The following RBM41 variants were observed in gnomAD, a reference collection of about 807,000 sequenced individuals.
RBM41 encodes RNA binding motif protein 41.
In RBM41, 14 loss-of-function variants were observed where a neutral mutation model predicts 30.8. The ratio of observed to expected loss-of-function variants is 0.45; its 90% CI spans 0.30 to 0.71. RBM41 has a LOEUF of 0.71. Ranked by LOEUF, RBM41 falls within the 30% of genes least tolerant of loss-of-function variation. The pLI, the probability that RBM41 is intolerant of heterozygous loss-of-function variation, is 0.08. For synonymous variants in RBM41, 120 were observed against 110.1 expected (o/e 1.09, Z -0.56); for missense variants, 276 against 326.3 (o/e 0.85, Z 1.19).
intron 4 of RBM41, 70 bp downstream of exon 4, chrX:107,115,282 T>C: frequency 9.2e-7 from 1 of 1,091,475 alleles, no homozygotes; most frequent in South Asian, 1.9e-5. Context: ...TAACTCTTCA[T>C]ATTTAATGCC....
At chrX:107,085,472 T>C (rs1921956616) in intron 6 of RBM41, among the ~76,000 whole-genome samples, 1 of 110,254 alleles carries the variant, frequency 9.1e-6, no homozygotes, top group Non-Finnish European at 1.9e-5. Context: ...TTTGCCACAT[T>C]GGCCAGGCTG....
intron 5 of RBM41, among the ~76,000 whole-genome samples, chrX:107,098,869 C>T (rs1334521342): frequency 2.7e-5 from 3 of 109,895 alleles, no homozygotes; most frequent in Admixed American, 9.7e-5. Context: ...GCCGTGGTGG[C>T]GCATATCTGT....
chrX:107,058,566 T>G (rs1382926301), downstream of RBM41, among the ~76,000 whole-genome samples: 1 of 111,315 alleles, frequency 9.0e-6, no homozygotes. Context: ...GTAAAGACAG[T>G]GTATGGTAGA....
At chrX:107,091,485 T>C (rs924574394) in intron 5 of RBM41, among the ~76,000 whole-genome samples, 1 of 111,950 alleles carries the variant, frequency 8.9e-6, no homozygotes, top group Non-Finnish European at 1.9e-5. Flanking sequence ...TGTTTTTGAA[T>C]TTTAGGGATT....
downstream of RBM41, among the ~76,000 whole-genome samples, chrX:107,058,736 G>C (rs1451894964): frequency 9.0e-6 from 1 of 111,712 alleles, no homozygotes; most frequent in Non-Finnish European, 1.9e-5. Flanking sequence ...AAGTACCACA[G>C]ACTGAGTAGC....
At chrX:107,107,283 T>C (rs1359089250) in intron 5 of RBM41, among the ~76,000 whole-genome samples, 3 of 111,115 alleles carry the variant, frequency 2.7e-5, no homozygotes, top group African/African-American at 9.8e-5. Context: ...TCCCTAGCAC[T>C]GAGTCAAGAG....
In RBM41 at chrX:107,061,983, A is replaced by G. The variant is rs187654268; in HGVS notation, c.*5544T>C. ...CAAGCCTATGGGTTTTGACAAATGC[A>G]TATACTTATGTAACTACAATAAAGA... On this transcript the variant is annotated 3_prime_UTR_variant, in exon 8 of 8. Coordinates refer to ENST00000685964, the MANE Select transcript of RBM41 (RefSeq NM_001324242.2). Among the ~76,000 whole-genome samples the G allele has an allele frequency of 4.4e-5, 5 of 112,421 alleles. No homozygotes were observed. The highest frequency in any genetic ancestry group is 3.8e-4 in the Admixed American group (4 of 10,611).
chrX:107,072,194 T>C (rs1466433906), intron 6 of RBM41, among the ~76,000 whole-genome samples: 2 of 109,438 alleles, frequency 1.8e-5, no homozygotes, highest in Admixed American at 2.0e-4. Context: ...GGAAGTCAAA[T>C]TGTCCCTGTT....
At chrX:107,097,888 G>A (rs1261442067) in intron 5 of RBM41, among the ~76,000 whole-genome samples, 1 of 111,186 alleles carries the variant, frequency 9.0e-6, no homozygotes, top group Non-Finnish European at 1.9e-5. Context: ...AAAGGCTTGG[G>A]GTGTATGTGG....
intron 5 of RBM41, among the ~76,000 whole-genome samples, chrX:107,106,857 C>T (rs1924049509): frequency 1.3e-5 from 1 of 79,598 alleles, no homozygotes; most frequent in African/African-American, 5.3e-5. Flanking sequence ...CATCATACAC[C>T]GGGGCCTGTT....
rs754596368 is a variant in RBM41 at position 107,088,734 on chromosome X, C to G, written c.701G>C (p.Gly234Ala). The G allele has an allele frequency of 5.0e-6, 6 of 1,211,412 alleles. No individual in the cohort carries two copies. Among genetic ancestry groups the G allele is most frequent in the East Asian group, 5.9e-5 (2 of 33,827 alleles). ...CAGTGAGTGGGAAGCAAAGGGTTCA[C>G]CTCTCATAAGTTGAAACTCTTCAAG... ...KRLEEFQLMR[G>A]EPFASHSLVS... The change falls in exon 6 of 8, where the codon GGT (glycine) becomes GCT (alanine). Residue 234 changes from glycine (G) to alanine (A), a missense_variant. Physicochemically the swap from Gly to Ala is moderately conservative, Grantham distance 60. Transcript: ENST00000685964.
chrX:107,118,616 T>G (rs1925091271), intron 1 of RBM41, 150 bp downstream of exon 1: 1 of 731,626 alleles, frequency 1.4e-6, no homozygotes, highest in Non-Finnish European at 2.1e-6. Flanking sequence ...CCGTCTCCCC[T>G]CCTCCCGTCT....
chrX:107,054,420 G>A, the RBM41 span, among the ~76,000 whole-genome samples: 1 of 111,279 alleles, frequency 9.0e-6, no homozygotes, highest in Non-Finnish European at 1.9e-5. Flanking sequence ...TTTTTTCTGT[G>A]ACATATAAAG....
At chrX:107,073,200 CG>C (rs1301422807) in intron 6 of RBM41, among the ~76,000 whole-genome samples, 1 of 111,510 alleles carries the variant, frequency 9.0e-6, no homozygotes, top group Non-Finnish European at 1.9e-5. Flanking sequence ...AGTGAAAAGA[CG>C]AACTACAGAA....
In RBM41 at chrX:107,062,870, T is replaced by C. The variant is rs1490979393; in HGVS notation, c.*4657A>G. On this transcript the variant is annotated 3_prime_UTR_variant, in exon 8 of 8. Coordinates refer to ENST00000685964, the MANE Select transcript of RBM41 (RefSeq NM_001324242.2). ...AATGTATTCATACTATACATATTTC[T>C]GCATCTTGTTTATTAACTTAATACA... Among the ~76,000 whole-genome samples, 1 of 112,239 alleles carries C rather than the reference T, an allele frequency of 8.9e-6. No homozygotes were observed. Among genetic ancestry groups the C allele is most frequent in the African/African-American group, 3.2e-5 (1 of 30,918 alleles).
At chrX:107,058,920 C>T (rs1935605985), downstream of RBM41, among the ~76,000 whole-genome samples, 1 of 110,904 alleles carries the variant, frequency 9.0e-6, no homozygotes, top group Non-Finnish European at 1.9e-5. Context: ...TTCTGATCCC[C>T]TTACCTACCA....
chrX:107,070,397 GA>G (rs1936011878), intron 6 of RBM41: 1 of 326,681 alleles, frequency 3.1e-6, no homozygotes, highest in Non-Finnish European at 5.9e-6. Context: ...AAAGATTTTG[GA>G]AGTCTTCTCT....
At chrX:107,055,879 A>G in the RBM41 span, among the ~76,000 whole-genome samples, 1 of 112,280 alleles carries the variant, frequency 8.9e-6, no homozygotes, top group Non-Finnish European at 1.9e-5. Context: ...AAGAACACAA[A>G]GATTTATCCC....
chrX:107,088,385 G>A, intron 6 of RBM41, 51 bp downstream of exon 6: 2 of 1,099,405 alleles, frequency 1.8e-6, no homozygotes, highest in Non-Finnish European at 2.5e-6. Context: ...TTAGGTAGAG[G>A]TAAATAAAAG....
Sources: allele counts gnomAD v4.1 joint callset (sites outside exome capture counted in the v4.1 genomes callset), GRCh38; gene constraint gnomAD v4.1.1; transcripts MANE v1.5; gene names NCBI Gene and HGNC (gene_info 2026-07-23, HGNC 2026-07-21).